RAPSN: variants seen among roughly 807,000 people sequenced by gnomAD.
RAPSN encodes the protein 43 kDa receptor-associated protein of the synapse.
Under a neutral mutation model 45.7 loss-of-function variants are expected in RAPSN, and 33 were observed. The ratio of observed to expected loss-of-function variants is 0.72; its 90% confidence interval spans 0.55 to 0.97. RAPSN has a LOEUF of 0.97. RAPSN is among the 50% of genes least tolerant of loss of function. RAPSN has a pLI of 0.00. For missense variants in RAPSN, 519 were observed against 559.4 expected (o/e 0.93, Z 0.73); for synonymous variants, 244 against 233.6 (o/e 1.04, Z -0.40).
chr11:47,447,481 A>T (rs981563583), intron 2 of RAPSN, among the ~76,000 whole-genome samples: 2 of 152,186 alleles, frequency 1.3e-5, no homozygotes, highest in African/African-American at 4.8e-5. Context: ...TTCATTTTAC[A>T]GATCTCTCCC....
intron 2 of RAPSN, among the ~76,000 whole-genome samples, chr11:47,443,263 G>A (rs547198314): frequency 1.3e-5 from 2 of 152,162 alleles, no homozygotes; most frequent in Non-Finnish European, 2.9e-5. Flanking sequence ...GTGGCAGACT[G>A]GCAGCACAAC....
chr11:47,445,558 T>C (rs2076399246), intron 2 of RAPSN, among the ~76,000 whole-genome samples: 1 of 124,542 alleles, frequency 8.0e-6, no homozygotes, highest in African/African-American at 3.1e-5. Context: ...ATCGAGCCAC[T>C]GCACTCCAGC....
chr11:47,441,599 G>C lies in RAPSN; in HGVS notation c.912+12C>G, dbSNP rs756980482. 1 of 1,603,746 alleles carries C rather than the reference G, an allele frequency of 6.2e-7. No homozygotes were observed. The highest frequency in any genetic ancestry group is 1.7e-5 in the Admixed American group (1 of 59,886). On this transcript the variant is annotated intron_variant, in intron 5 of 7. Coordinates refer to ENST00000298854, the MANE Select transcript of RAPSN (RefSeq NM_005055.5). ...GGGAGGGCTGGAGGCTGTGGGAAAG[G>C]CCCGACCTCACCTTGTCCAGCGCCT...
At chr11:47,438,190 C>T (rs948418935) in intron 7 of RAPSN, 143 bp from the exon 8 acceptor site, 2 of 988,396 alleles carry the variant, frequency 2.0e-6, no homozygotes, top group Non-Finnish European at 3.1e-6. Flanking sequence ...GGGAACGGTC[C>T]CCCCAGGCTC....
Position 47,448,810 on chromosome 11 carries a change from G to A in RAPSN, c.155C>T (p.Ala52Val), listed in dbSNP as rs746532181. The change falls in exon 1 of 8, where the codon GCC becomes GTC. Residue 52 changes from alanine (A) to valine (V), a missense_variant. By Grantham distance (64) the Ala-to-Val change is moderately conservative. Coordinates refer to ENST00000298854, the MANE Select transcript of RAPSN (RefSeq NM_005055.5). ...RFRVLGCLVT[A>V]HSEMGRYKEM... Reference sequence around the variant, plus strand: ...CTTGTAGCGGCCCATCTCCGAGTGGGCTGTGACCAGGCAGCCCAGCACGCG... The same window carrying A: ...CTTGTAGCGGCCCATCTCCGAGTGGACTGTGACCAGGCAGCCCAGCACGCG... 1 of 1,613,048 alleles carries A rather than the reference G, an allele frequency of 6.2e-7. No individual in the cohort carries two copies. Among genetic ancestry groups the A allele is most frequent in the African/African-American group, 1.3e-5 (1 of 74,944 alleles).
rs2076325992 is a variant in RAPSN, at chr11:47,437,942, G to A, written c.*33C>T. 2 of 1,550,446 alleles carry A rather than the reference G, an allele frequency of 1.3e-6. No homozygotes were observed. The highest frequency in any genetic ancestry group is 1.4e-5 in the African/African-American group (1 of 73,010). The stretch of plus-strand genomic sequence containing the variant: ...CGTGCAGTGGAGAAAGAGCAGGAGT[G>A]GCGAGGAGGAAGCCCACGCCTGCTG... On this transcript the variant is annotated 3_prime_UTR_variant, in exon 8 of 8. Transcript: ENST00000298854.
chr11:47,446,040 C>T (rs930689464), intron 2 of RAPSN, among the ~76,000 whole-genome samples: 4 of 151,398 alleles, frequency 2.6e-5, no homozygotes, highest in African/African-American at 9.7e-5. Context: ...GCGATCCTCC[C>T]GCCTCAGCCT....
chr11:47,448,742 C>G, intron 1 of RAPSN, 31 bp downstream of exon 1: 1 of 1,603,044 alleles, frequency 6.2e-7, no homozygotes, highest in African/African-American at 1.3e-5. Flanking sequence ...CCAGCCTGAC[C>G]CTCGAACGCC....
At chr11:47,447,338 C>T (rs1418720151) in intron 2 of RAPSN, among the ~76,000 whole-genome samples, 1 of 152,188 alleles carries the variant, frequency 6.6e-6, no homozygotes, top group Non-Finnish European at 1.5e-5. Flanking sequence ...ATGCAACCCT[C>T]GTGAGGACGG....
chr11:47,438,998 G>A, intron 6 of RAPSN, 67 bp from the exon 7 acceptor site: 1 of 1,494,500 alleles, frequency 6.7e-7, no homozygotes, highest in Non-Finnish European at 9.0e-7. Flanking sequence ...GTAGGCTCCG[G>A]TCTCAGCCAC....
chr11:47,441,097 C>G, intron 6 of RAPSN, 62 bp downstream of exon 6: 1 of 1,604,518 alleles, frequency 6.2e-7, no homozygotes, highest in Non-Finnish European at 8.5e-7. Context: ...GGCCCTTCCC[C>G]AGACCCAAGT....
chr11:47,438,944 G>T lies in RAPSN; in HGVS notation c.967-13C>A, dbSNP rs2153306937. 6.4e-7 allele frequency: 1 copy of T among 1,552,876 alleles called. No individual in the cohort carries two copies. The highest frequency in any genetic ancestry group is 2.4e-5 in the East Asian group (1 of 41,504). ...TGAGCTGGCTCAGCTGGGGCCCGCAGGAGTGGAGAGCGCCAGTGGGGGATG... is the reference window on the plus strand; with the variant it reads ...TGAGCTGGCTCAGCTGGGGCCCGCATGAGTGGAGAGCGCCAGTGGGGGATG... On this transcript the variant is annotated splice_polypyrimidine_tract_variant and intron_variant, in intron 6 of 7. Coordinates refer to ENST00000298854, the MANE Select transcript of RAPSN (RefSeq NM_005055.5).
At chr11:47,443,957 A>AAAAAAAAAT (rs1425173642) in intron 2 of RAPSN, among the ~76,000 whole-genome samples, 1 of 145,214 alleles carries the variant, frequency 6.9e-6, no homozygotes, top group African/African-American at 2.5e-5. Flanking sequence ...AAAAAAAAAA[A>AAAAAAAAAT]AAGAAAAGAA....
Position 47,437,928 on chromosome 11 carries a change from G to A in RAPSN, c.*47C>T. 6.5e-7 allele frequency: 1 copy of A among 1,548,994 alleles called. No homozygotes were observed. The highest frequency in any genetic ancestry group is 8.7e-7 in the Non-Finnish European group (1 of 1,144,936). On this transcript the variant is annotated 3_prime_UTR_variant, in exon 8 of 8. Transcript: ENST00000298854. Reference sequence around the variant, plus strand: ...AAATGGGCCTCTGGCGTGCAGTGGAGAAAGAGCAGGAGTGGCGAGGAGGAA... The same window carrying A: ...AAATGGGCCTCTGGCGTGCAGTGGAAAAAGAGCAGGAGTGGCGAGGAGGAA...
chr11:47,448,254 C>G, intron 1 of RAPSN, 104 bp from the exon 2 acceptor site: 4 of 1,196,436 alleles, frequency 3.3e-6, no homozygotes, highest in East Asian at 2.4e-5. Flanking sequence ...ACCCACCCCC[C>G]AGCCTCACAC....
rs1340595553 is a variant in RAPSN at position 47,447,836 on chromosome 11, C to A, written c.507G>T (p.Leu169=). The change falls in exon 2 of 8, where the codon CTG becomes CTT. Residue 169 remains leucine (L), a synonymous_variant. Coordinates refer to ENST00000298854, the MANE Select transcript of RAPSN (RefSeq NM_005055.5). ...CCTTGACCTGGGCATAGAAGCTGCC[C>A]AGGCTGCAGCACACGCGGCACTCGA... is the stretch of plus-strand genomic sequence containing the variant. ...AMLECRVCCS[L]GSFYAQVKDY... 1.9e-6 allele frequency: 3 copies of A among 1,612,928 alleles called. No individual in the cohort carries two copies. In the South Asian group the frequency reaches 3.3e-5, roughly 18 times the overall value.
intron 6 of RAPSN, among the ~76,000 whole-genome samples, chr11:47,440,731 A>G (rs529432933): frequency 9.6e-4 from 146 of 152,240 alleles, no homozygotes; most frequent in South Asian, 2.3e-3. Context: ...CTGGGAGACA[A>G]GAGCAAAACT....
chr11:47,447,980 G>C lies in RAPSN; in HGVS notation c.363C>G (p.Leu121=), dbSNP rs190548363. ...CCATGCTCAGGCTGACCTGGCCTCC[G>C]AGCTGGGCACCTGCCCTGGTACCAG... The part of the protein sequence containing the change: ...GLPGTRAGAQ[L]GGQVSLSMGN... The change falls in exon 2 of 8, where the codon CTC becomes CTG. Residue 121 remains leucine, a synonymous_variant. Transcript: ENST00000298854. 1.9e-6 allele frequency: 3 copies of C among 1,613,916 alleles called. No individual in the cohort carries two copies. The highest frequency in any genetic ancestry group is 2.5e-6 in the Non-Finnish European group (3 of 1,180,004).
At position 47,448,248 on chromosome 11, in the gene RAPSN, AC is replaced by A. The variant is rs1213770616; in HGVS notation, c.193-99del. 5.4e-5 allele frequency: 68 copies of A among 1,270,372 alleles called. 1 individual carries two copies. The Admixed American group carries it at 8.5e-4, about 16-fold the overall frequency. 78.7% of individuals were successfully genotyped at this position (1,270,372 alleles called of 1,614,324 possible). The stretch of plus-strand genomic sequence containing the variant: ...GCTCAGACCTGGAGGCCCCACACCC[AC>A]CCCCCAGCCTCACACCCAAAGCAGC... On this transcript the variant is annotated intron_variant, in intron 1 of 7. Coordinates refer to ENST00000298854, the MANE Select transcript of RAPSN (RefSeq NM_005055.5).
Sources: gnomAD v4.1 joint callset for allele counts (sites outside exome capture counted in the v4.1 genomes callset) on GRCh38, gnomAD v4.1.1 for gene constraint, MANE v1.5 for transcripts, NCBI Gene and HGNC (gene_info 2026-07-23, HGNC 2026-07-21) for gene names.